Variants in EDDM3B observed in about 807,000 individuals in gnomAD.
EDDM3B encodes the protein epididymal secretory protein E3-beta.
For missense variants in EDDM3B, 189 were observed against 178.3 expected (o/e 1.06, Z -0.34); for synonymous variants, 71 against 59.1 (o/e 1.20, Z -0.92).
At chr14:20,769,448 T>C (rs1384814317) in intron 1 of EDDM3B, among the ~76,000 whole-genome samples, 1 of 152,132 alleles carries the variant, frequency 6.6e-6, no homozygotes, top group Non-Finnish European at 1.5e-5. Context: ...TATTTTATGA[T>C]GACATTTTCA....
rs752086799 is a variant in EDDM3B, at chr14:20,770,480, C to T, written c.330C>T (p.Ser110=). 8.1e-6 allele frequency: 13 copies of T among 1,613,960 alleles called. No individual in the cohort carries two copies. The highest frequency in any genetic ancestry group is 1.6e-4 in the Middle Eastern group (1 of 6,084). ...TACTCAAGTGTCACCAGGAGAATTC[C>T]AAAAATAGCTACACAGAGAGCAGGA... The part of the protein sequence containing the change: ...LKVLKCHQEN[S]KNSYTESRSF... The change falls in exon 2 of 2, where the codon TCC becomes TCT. Residue 110 remains serine, a synonymous_variant. Transcript: ENST00000326783.
chr14:20,770,797 T>A lies in EDDM3B; in HGVS notation c.*203T>A. 3 of 548,472 alleles carry A rather than the reference T, an allele frequency of 5.5e-6. No homozygotes were observed. The highest frequency in any genetic ancestry group is 3.1e-5 in the East Asian group (1 of 32,584). The allele number at this position is 548,472 out of a possible 1,614,324, so 34.0% of individuals were successfully genotyped here. A position where few individuals can be genotyped will look rare whatever the true frequency, so the allele number is the denominator to read the frequency against. On this transcript the variant is annotated 3_prime_UTR_variant, in exon 2 of 2. Coordinates refer to ENST00000326783, the MANE Select transcript of EDDM3B (RefSeq NM_022360.5). ...CTCTGCCTGGAATACACTTTTGTCT[T>A]CATTTACCTAATTTACTCTTATACT...
At position 20,770,662 on chromosome 14, in the gene EDDM3B, C is replaced by T; in HGVS notation, c.*68C>T. ...CTTTCTAAGTAGCAGCCCCTGCCTC[C>T]ATCAATAGTCCTACCACTCCCCTCT... On this transcript the variant is annotated 3_prime_UTR_variant, in exon 2 of 2. Transcript: ENST00000326783. 8.1e-7 allele frequency: 1 copy of T among 1,240,588 alleles called. No homozygotes were observed. Among genetic ancestry groups the T allele is most frequent in the African/African-American group, 1.5e-5 (1 of 65,828 alleles). The allele number at this position is 1,240,588 out of a possible 1,614,324, so 76.8% of individuals were successfully genotyped here. A position where few individuals can be genotyped will look rare whatever the true frequency, so the allele number is the denominator to read the frequency against.
At chr14:20,770,043 G>A in intron 1 of EDDM3B, 90 bp from the exon 2 acceptor site, 1 of 1,092,308 alleles carries the variant, frequency 9.2e-7, no homozygotes. Context: ...CCAAGTGCCT[G>A]CCTGGTGGGG....
At chr14:20,769,224 A>G (rs1193738412) in intron 1 of EDDM3B, among the ~76,000 whole-genome samples, 1 of 152,080 alleles carries the variant, frequency 6.6e-6, no homozygotes, top group Non-Finnish European at 1.5e-5. Flanking sequence ...ATGGCGAAAC[A>G]TTGTCTCTAC....
Position 20,770,282 on chromosome 14 carries a change from A to G in EDDM3B, c.132A>G (p.Glu44=). ...MKQHYLSPSR[E]FREYKCDVLM... Reference sequence around the variant, plus strand: ...AGCACTACTTAAGTCCAAGTCGAGAATTCAGAGAGTACAAATGTGATGTCC... The same window carrying G: ...AGCACTACTTAAGTCCAAGTCGAGAGTTCAGAGAGTACAAATGTGATGTCC... The change falls in exon 2 of 2, where the codon GAA becomes GAG. Residue 44 remains glutamate, a synonymous_variant. Coordinates refer to ENST00000326783, the MANE Select transcript of EDDM3B (RefSeq NM_022360.5). 6.2e-7 allele frequency: 1 copy of G among 1,614,208 alleles called. No homozygotes were observed. Among genetic ancestry groups the G allele is most frequent in the South Asian group, 1.1e-5 (1 of 91,084 alleles).
intron 1 of EDDM3B, among the ~76,000 whole-genome samples, chr14:20,769,410 A>G (rs182449359): frequency 2.2e-4 from 34 of 152,298 alleles, no homozygotes; most frequent in African/African-American, 7.7e-4. Context: ...AAAAATAAAT[A>G]AACAAATAAA....
Position 20,770,007 on chromosome 14 carries a change from C to T in EDDM3B, c.-18-126C>T, listed in dbSNP as rs148742865. On this transcript the variant is annotated intron_variant, in intron 1 of 1. Coordinates refer to ENST00000326783, the MANE Select transcript of EDDM3B (RefSeq NM_022360.5). The stretch of plus-strand genomic sequence containing the variant: ...CTAATGAGAATTAGCATCTTCTCAT[C>T]GGGGAACCAAATAGTAAAATTGCAC... The T allele has an allele frequency of 2.4e-3, 1,663 of 705,260 alleles. 9 individuals carry two copies. The highest frequency in any genetic ancestry group is 0.017 in the Middle Eastern group (43 of 2,584). The allele number at this position is 705,260 out of a possible 1,614,324, so 43.7% of individuals were successfully genotyped here.
rs1878326002 is a variant in EDDM3B at position 20,770,880 on chromosome 14, T to C, written c.*286T>C. On this transcript the variant is annotated 3_prime_UTR_variant, in exon 2 of 2. Transcript: ENST00000326783. ...CTTGATTAACCCAAGACTTTCCTGATATTGACTCTCTTGATACATACCCAA... is the reference window on the plus strand; with the variant it reads ...CTTGATTAACCCAAGACTTTCCTGACATTGACTCTCTTGATACATACCCAA... The C allele has an allele frequency of 5.8e-6, 2 of 345,292 alleles. No individual in the cohort carries two copies. Among genetic ancestry groups the C allele is most frequent in the African/African-American group, 2.1e-5 (1 of 47,366 alleles). 21.4% of individuals were successfully genotyped at this position (345,292 alleles called of 1,614,324 possible). A position where few individuals can be genotyped will look rare whatever the true frequency, so the allele number is the denominator to read the frequency against.
chr14:20,769,743 C>G (rs548997886), intron 1 of EDDM3B, among the ~76,000 whole-genome samples: 1 of 152,166 alleles, frequency 6.6e-6, no homozygotes, highest in Non-Finnish European at 1.5e-5. Context: ...TCTGACAACC[C>G]TTTCCACTTC....
intron 1 of EDDM3B, 21 bp from the exon 2 acceptor site, chr14:20,770,112 C>G: frequency 6.5e-7 from 1 of 1,542,658 alleles, no homozygotes; most frequent in Non-Finnish European, 8.7e-7. Flanking sequence ...GCTTTTCTTT[C>G]TCTTCTCTGT....
At position 20,770,164 on chromosome 14, in the gene EDDM3B, T is replaced by C; in HGVS notation, c.14T>C (p.Leu5Pro). MASS[L>P]KIWGTLLALL... ...CCGGTGACTGAGATGGCATCGTCTC[T>C]AAAGATCTGGGGCACACTCTTGGCC... Residue 5 changes from leucine (L) to proline (P), a missense_variant, in exon 2 of 2, where the codon CTA (leucine) becomes CCA (proline). Leu to Pro is a moderately conservative substitution (Grantham distance 98). Transcript: ENST00000326783. 9 of 1,609,594 alleles carry C rather than the reference T, an allele frequency of 5.6e-6. No individual in the cohort carries two copies. Among genetic ancestry groups the C allele is most frequent in the Non-Finnish European group, 7.6e-6 (9 of 1,177,248 alleles).
Position 20,770,495 on chromosome 14 carries a change from A to C in EDDM3B, c.345A>C (p.Thr115=). ...CHQENSKNSY[T]ESRSFNYIEF... is the part of the protein sequence containing the mutation. The stretch of plus-strand genomic sequence containing the variant: ...AGGAGAATTCCAAAAATAGCTACAC[A>C]GAGAGCAGGAGCTTCAACTACATTG... Residue 115 remains threonine, a synonymous_variant, in exon 2 of 2, where the codon ACA becomes ACC. Transcript: ENST00000326783. 1.9e-6 allele frequency: 3 copies of C among 1,614,206 alleles called. No individual in the cohort carries two copies. Among genetic ancestry groups the C allele is most frequent in the Non-Finnish European group, 2.5e-6 (3 of 1,180,036 alleles).
At chr14:20,768,725 T>C (rs531684452) in intron 1 of EDDM3B, among the ~76,000 whole-genome samples, 1 of 152,318 alleles carries the variant, frequency 6.6e-6, no homozygotes, top group East Asian at 1.9e-4. Context: ...ACCGCTTACA[T>C]CCTGCTCTTC....
In EDDM3B at chr14:20,770,521, A is replaced by C. The variant is rs922833444; in HGVS notation, c.371A>C (p.Glu124Ala). Residue 124 changes from glutamate (E) to alanine (A), a missense_variant, in exon 2 of 2, where the codon GAA becomes GCA. Coordinates refer to ENST00000326783, the MANE Select transcript of EDDM3B (RefSeq NM_022360.5). ...YTESRSFNYIEFHCSMDGYVD... is the reference protein window; with the variant it reads ...YTESRSFNYIAFHCSMDGYVD... Reference sequence around the variant, plus strand: ...GAGAGCAGGAGCTTCAACTACATTGAATTCCATTGTAGCATGGACGGGTAT... The same window carrying C: ...GAGAGCAGGAGCTTCAACTACATTGCATTCCATTGTAGCATGGACGGGTAT... 8 of 1,614,040 alleles carry C rather than the reference A, an allele frequency of 5.0e-6. No homozygotes were observed. The highest frequency in any genetic ancestry group is 6.8e-6 in the Non-Finnish European group (8 of 1,180,018).
rs1352602112 is a variant in EDDM3B, at chr14:20,770,373, A to T, written c.223A>T (p.Lys75Ter). 1.2e-6 allele frequency: 2 copies of T among 1,614,104 alleles called. No homozygotes were observed. Among genetic ancestry groups the T allele is most frequent in the African/African-American group, 2.7e-5 (2 of 74,932 alleles). Residue 75 changes from lysine to a stop codon, truncating the protein, a stop_gained, in exon 2 of 2, where the codon AAA becomes TAA. Coordinates refer to ENST00000326783, the MANE Select transcript of EDDM3B (RefSeq NM_022360.5). LOFTEE classifies it low-confidence loss of function (END_TRUNC). The part of the protein sequence containing the change: ...SHMFIYISWY[K>*]IEHICTSDNW... ...CATGTTTATCTATATCTCATGGTAC[A>T]AAATCGAGCATATATGCACTAGTGA... is the stretch of plus-strand genomic sequence containing the variant.
At chr14:20,769,892 T>A (rs1402666403) in intron 1 of EDDM3B, among the ~76,000 whole-genome samples, 3 of 152,160 alleles carry the variant, frequency 2.0e-5, no homozygotes, top group Non-Finnish European at 2.9e-5. Context: ...ATGGTTGGAA[T>A]TCTCAAAATG....
intron 1 of EDDM3B, among the ~76,000 whole-genome samples, chr14:20,768,852 G>A (rs376399483): frequency 6.4e-4 from 98 of 152,272 alleles, no homozygotes; most frequent in African/African-American, 2.2e-3. Flanking sequence ...AAATACATGC[G>A]TCTCATTAGA....
At chr14:20,769,409 TAAAC>T (rs1310175336) in intron 1 of EDDM3B, among the ~76,000 whole-genome samples, 1 of 152,066 alleles carries the variant, frequency 6.6e-6, no homozygotes, top group African/African-American at 2.4e-5. Flanking sequence ...CAAAAATAAA[TAAAC>T]AAATAAAAAC....
Sources: gnomAD v4.1 joint callset for allele counts (sites outside exome capture counted in the v4.1 genomes callset) on GRCh38, gnomAD v4.1.1 for gene constraint, MANE v1.5 for transcripts, NCBI Gene and HGNC (gene_info 2026-07-23, HGNC 2026-07-21) for gene names.